CNNM2: variants seen among roughly 807,000 people sequenced by gnomAD.
The protein encoded by CNNM2 is metal transporter CNNM2.
Under a neutral mutation model 66.9 loss-of-function variants are expected in CNNM2, and 12 were observed. That is an observed-to-expected ratio of 0.18 (90% CI 0.11 to 0.29). The LOEUF (loss-of-function observed/expected upper bound fraction) is 0.29, where lower values mean the gene tolerates loss of function less well. Ranked by LOEUF, CNNM2 falls within the 10% of genes least tolerant of loss-of-function variation. The pLI, the probability that CNNM2 is intolerant of heterozygous loss-of-function variation, is 1.00. For synonymous variants in CNNM2, 557 were observed against 501.8 expected (o/e 1.11, Z -1.47); for missense variants, 705 against 1,167.7 (o/e 0.60, Z 5.77).
Position 102,972,365 on chromosome 10 carries a change from G to T in CNNM2, c.1621+52264G>T, listed in dbSNP as rs1297823946. On this transcript the variant is annotated intron_variant, in intron 1 of 7. Transcript: ENST00000369878. ...AGGAAGAAGCTTCCTGGCCAGGCAC[G>T]GTGGCTCATACCTGTAATCCCAGCA... Among the ~76,000 whole-genome samples, 3 of 152,216 alleles carry T rather than the reference G, an allele frequency of 2.0e-5. No individual in the cohort carries two copies. In the East Asian group the frequency reaches 5.8e-4, roughly 29 times the overall value.
At chr10:103,021,038 A>G (rs1455203426) in intron 1 of CNNM2, among the ~76,000 whole-genome samples, 1 of 152,172 alleles carries the variant, frequency 6.6e-6, no homozygotes, top group African/African-American at 2.4e-5. Flanking sequence ...CCTATGGTGG[A>G]GTAACAGGGC....
At chr10:103,001,874 A>G (rs2064129521) in intron 1 of CNNM2, among the ~76,000 whole-genome samples, 1 of 152,154 alleles carries the variant, frequency 6.6e-6, no homozygotes, top group Admixed American at 6.6e-5. Context: ...GCATGCCTGT[A>G]ATCCCAGCTA....
intron 1 of CNNM2, among the ~76,000 whole-genome samples, chr10:103,025,903 G>A (rs903039579): frequency 3.9e-5 from 6 of 152,180 alleles, no homozygotes; most frequent in Admixed American, 6.5e-5. Flanking sequence ...TTCATGTGGC[G>A]AAACTTAATC....
chr10:103,014,433 C>T (rs2064402850), intron 1 of CNNM2, among the ~76,000 whole-genome samples: 1 of 152,162 alleles, frequency 6.6e-6, no homozygotes, highest in Admixed American at 6.5e-5. Flanking sequence ...TTTCATTTTA[C>T]AAATGGAGAC....
At chr10:102,931,743 A>G (rs181210646) in intron 1 of CNNM2, among the ~76,000 whole-genome samples, 1 of 152,180 alleles carries the variant, frequency 6.6e-6, no homozygotes, top group African/African-American at 2.4e-5. Context: ...TTTTTGAGAA[A>G]CTGCCAAACT....
At chr10:103,015,093 C>G (rs1267198646) in intron 1 of CNNM2, among the ~76,000 whole-genome samples, 6 of 152,108 alleles carry the variant, frequency 3.9e-5, no homozygotes, top group Non-Finnish European at 8.8e-5. Flanking sequence ...GTAATGGTTA[C>G]AAAAATGATG....
intron 1 of CNNM2, among the ~76,000 whole-genome samples, chr10:102,982,772 T>C (rs2063737535): frequency 6.6e-6 from 1 of 152,250 alleles, no homozygotes. Flanking sequence ...ATACTCATTG[T>C]TATTTCAGAG....
intron 1 of CNNM2, among the ~76,000 whole-genome samples, chr10:103,003,302 C>T (rs1013483430): frequency 6.6e-6 from 1 of 151,914 alleles, no homozygotes; most frequent in Non-Finnish European, 1.5e-5. Flanking sequence ...TTAGTAGAGA[C>T]AGGGTTTCAC....
At chr10:103,022,091 A>T (rs765946654) in intron 1 of CNNM2, among the ~76,000 whole-genome samples, 18 of 152,186 alleles carry the variant, frequency 1.2e-4, no homozygotes, top group Admixed American at 6.5e-4. Flanking sequence ...TGAAGCAGCC[A>T]CAATTCTGAC....
chr10:102,976,348 C>A (rs951410331), intron 1 of CNNM2, among the ~76,000 whole-genome samples: 2 of 151,298 alleles, frequency 1.3e-5, no homozygotes, highest in African/African-American at 4.9e-5. Flanking sequence ...GTTCTCTGAA[C>A]CCTCAAGGCT....
intron 1 of CNNM2, among the ~76,000 whole-genome samples, chr10:102,990,357 A>T (rs1257854107): frequency 6.6e-6 from 1 of 152,070 alleles, no homozygotes; most frequent in Non-Finnish European, 1.5e-5. Context: ...GTTACTAGGG[A>T]TGGGGATGCT....
intron 4 of CNNM2, among the ~76,000 whole-genome samples, chr10:103,061,174 C>G (rs1359477671): frequency 6.6e-6 from 1 of 152,116 alleles, no homozygotes; most frequent in African/African-American, 2.4e-5. Context: ...AGGCGGATCA[C>G]TTGAGGTCAG....
At position 103,014,517 on chromosome 10, in the gene CNNM2, G is replaced by A. The variant is rs140643146; in HGVS notation, c.1622-35190G>A. Among the ~76,000 whole-genome samples the A allele has an allele frequency of 7.1e-4, 108 of 152,258 alleles. 1 individual carries two copies. Among genetic ancestry groups the A allele is most frequent in the African/African-American group, 2.5e-3 (105 of 41,552 alleles). On this transcript the variant is annotated intron_variant, in intron 1 of 7. Transcript: ENST00000369878. ...AATTTGGAGCAAAGCCCTCGATTCT[G>A]CTATGCCAGACAGTTCCTGAGTTAT...
chr10:103,052,302 A>C (rs987569550), intron 2 of CNNM2, among the ~76,000 whole-genome samples: 11 of 151,752 alleles, frequency 7.2e-5, no homozygotes, highest in African/African-American at 2.2e-4. Flanking sequence ...AAAAAAAAAA[A>C]AACCCAAACC....
chr10:103,021,760 C>G (rs1590407939), intron 1 of CNNM2, among the ~76,000 whole-genome samples: 1 of 132,144 alleles, frequency 7.6e-6, no homozygotes, highest in Admixed American at 7.4e-5. Flanking sequence ...ACTCTTTCCC[C>G]CAGAATACAA....
chr10:102,946,913 C>T (rs370478798), intron 1 of CNNM2, among the ~76,000 whole-genome samples: 13 of 152,278 alleles, frequency 8.5e-5, no homozygotes, highest in South Asian at 8.3e-4. Context: ...AAGAACAAAA[C>T]ACATGCCATA....
At chr10:103,005,180 A>G (rs369395328) in intron 1 of CNNM2, among the ~76,000 whole-genome samples, 2 of 151,656 alleles carry the variant, frequency 1.3e-5, no homozygotes, top group African/African-American at 2.4e-5. Flanking sequence ...TCCCAAAGTG[A>G]TAGGATTACA....
chr10:102,943,515 A>C (rs1033649030), intron 1 of CNNM2, among the ~76,000 whole-genome samples: 1 of 152,180 alleles, frequency 6.6e-6, no homozygotes, highest in Non-Finnish European at 1.5e-5. Flanking sequence ...AAATGAGGTG[A>C]TATCTATATG....
At chr10:102,969,648 T>C (rs1471520766) in intron 1 of CNNM2, among the ~76,000 whole-genome samples, 2 of 152,124 alleles carry the variant, frequency 1.3e-5, no homozygotes, top group African/African-American at 4.8e-5. Flanking sequence ...TTCACTGTTT[T>C]GTTTGTTTTC....
Sources: gnomAD v4.1 joint callset for allele counts (sites outside exome capture counted in the v4.1 genomes callset) on GRCh38, gnomAD v4.1.1 for gene constraint, MANE v1.5 for transcripts, NCBI Gene and HGNC (gene_info 2026-07-23, HGNC 2026-07-21) for gene names.